Variants in ALG9 observed in about 807,000 individuals in gnomAD.
ALG9 encodes the protein ALG9 alpha-1,2-mannosyltransferase, also known as alpha-1,2-mannosyltransferase ALG9.
Under a neutral mutation model 81.8 loss-of-function variants are expected in ALG9, and 55 were observed. The ratio of observed to expected loss-of-function variants is 0.67; its 90% CI spans 0.54 to 0.84. The LOEUF is 0.84. Ranked by LOEUF, ALG9 falls within the 40% of genes least tolerant of loss-of-function variation. The pLI, the probability that ALG9 is intolerant of heterozygous loss-of-function variation, is 0.00. For missense variants in ALG9, 629 were observed against 745.0 expected, an observed-to-expected ratio of 0.84 and a Z score of 1.81; for synonymous variants, 278 against 274.3, an observed-to-expected ratio of 1.01 and a Z score of -0.13.
intron 1 of ALG9, 60 bp downstream of exon 1, chr11:111,871,292 C>T: frequency 7.3e-7 from 1 of 1,367,588 alleles, no homozygotes; most frequent in African/African-American, 1.5e-5. Context: ...AAGACCCTCC[C>T]GGGGGCAGCC....
chr11:111,842,825 T>C (rs527918214), intron 9 of ALG9, among the ~76,000 whole-genome samples: 1 of 152,352 alleles, frequency 6.6e-6, no homozygotes, highest in South Asian at 2.1e-4. Flanking sequence ...GTGCATACAT[T>C]ATGCATTTTA....
chr11:111,823,434 A>G (rs1237730173), intron 13 of ALG9, among the ~76,000 whole-genome samples: 4 of 152,216 alleles, frequency 2.6e-5, no homozygotes, highest in African/African-American at 9.7e-5. Flanking sequence ...TTACACTGCC[A>G]AGTCTTGAGC....
chr11:111,842,148 C>T (rs1956308430), intron 9 of ALG9, among the ~76,000 whole-genome samples: 2 of 152,162 alleles, frequency 1.3e-5, no homozygotes, highest in African/African-American at 2.4e-5. Context: ...CCACCCGCCT[C>T]GGCCTCTCAA....
At chr11:111,798,200 C>T in intron 14 of ALG9, 1 of 323,568 alleles carries the variant, frequency 3.1e-6, no homozygotes, top group South Asian at 2.5e-5. Context: ...GAGACCCTGT[C>T]TTAAAAAGAA....
At chr11:111,834,856 CA>C (rs1366556095) in intron 13 of ALG9, among the ~76,000 whole-genome samples, 3 of 152,288 alleles carry the variant, frequency 2.0e-5, no homozygotes, top group Admixed American at 2.0e-4. Context: ...AGGGTATTTC[CA>C]TTGTAACAGG....
At chr11:111,803,117 C>T (rs1949378537) in intron 14 of ALG9, among the ~76,000 whole-genome samples, 1 of 152,166 alleles carries the variant, frequency 6.6e-6, no homozygotes, top group Non-Finnish European at 1.5e-5. Context: ...CAATCAAAAT[C>T]CCAGCAAGTT....
chr11:111,862,324 CTT>C (rs1376796251), intron 4 of ALG9, among the ~76,000 whole-genome samples: 19 of 149,494 alleles, frequency 1.3e-4, no homozygotes, highest in Non-Finnish European at 4.4e-5. Context: ...ATTTCCGTCT[CTT>C]GAGTTCAAGT....
intron 6 of ALG9, among the ~76,000 whole-genome samples, chr11:111,857,281 T>C (rs1401606472): frequency 1.3e-5 from 2 of 152,106 alleles, no homozygotes; most frequent in Non-Finnish European, 2.9e-5. Flanking sequence ...AAAGGTAAAT[T>C]ATTCAAACTC....
intron 14 of ALG9, chr11:111,805,058 C>T: frequency 3.2e-6 from 1 of 312,422 alleles, no homozygotes; most frequent in Non-Finnish European, 6.3e-6. Flanking sequence ...TGTTTGTGTC[C>T]CCTCAAAATT....
intron 4 of ALG9, chr11:111,864,277 C>T (rs1315548421): frequency 7.9e-6 from 9 of 1,133,554 alleles, no homozygotes; most frequent in Non-Finnish European, 1.1e-5. Context: ...CCAGCGTTGC[C>T]GCTATGAAGA....
rs544652031 is a variant in ALG9, at chr11:111,825,011, G to A, written c.1602+11154C>T. Among the ~76,000 whole-genome samples the A allele has an allele frequency of 3.3e-5, 5 of 152,282 alleles. No individual in the cohort carries two copies. The South Asian group carries it at 1.0e-3, about 32-fold the overall frequency. On this transcript the variant is annotated intron_variant, in intron 13 of 14. Transcript: ENST00000616540. Reference sequence around the variant, plus strand: ...AGGAAACCAGTGAGGACACAAATCTGCCAAATACCAACCTCTGTCAATTTA... The same window carrying A: ...AGGAAACCAGTGAGGACACAAATCTACCAAATACCAACCTCTGTCAATTTA...
chr11:111,777,921 T>A (rs1945741774), downstream of ALG9, among the ~76,000 whole-genome samples: 1 of 152,184 alleles, frequency 6.6e-6, no homozygotes. Flanking sequence ...TCTCCCCAAA[T>A]GAGATTAACC....
chr11:111,836,328 A>T, intron 12 of ALG9, 34 bp from the exon 13 acceptor site: 4 of 1,612,944 alleles, frequency 2.5e-6, no homozygotes, highest in Non-Finnish European at 2.5e-6. Flanking sequence ...AGAAAAACAC[A>T]GGGGGATAAT....
At chr11:111,795,675 T>C (rs1297799967) in intron 14 of ALG9, among the ~76,000 whole-genome samples, 1 of 152,252 alleles carries the variant, frequency 6.6e-6, no homozygotes, top group Non-Finnish European at 1.5e-5. Context: ...GGAAGTTTAC[T>C]GAGGCACAAA....
chr11:111,840,563 T>A (rs1488384827), intron 10 of ALG9, 92 bp downstream of exon 10: 1 of 1,447,368 alleles, frequency 6.9e-7, no homozygotes, highest in African/African-American at 1.4e-5. Flanking sequence ...ATATCTTAGG[T>A]GGAAGCATTC....
chr11:111,802,987 A>G (rs1252858154), intron 14 of ALG9, among the ~76,000 whole-genome samples: 1 of 152,188 alleles, frequency 6.6e-6, no homozygotes, highest in Non-Finnish European at 1.5e-5. Flanking sequence ...GATTCCTACC[A>G]TCACACTCCC....
chr11:111,821,569 A>G (rs1555103706), intron 13 of ALG9, among the ~76,000 whole-genome samples: 1 of 151,916 alleles, frequency 6.6e-6, no homozygotes, highest in Non-Finnish European at 1.5e-5. Context: ...TGGTCCACTC[A>G]TGTGTGTCAC....
intron 8 of ALG9, among the ~76,000 whole-genome samples, chr11:111,846,891 T>C (rs1201716213): frequency 1.3e-5 from 2 of 152,130 alleles, no homozygotes; most frequent in East Asian, 1.9e-4. Flanking sequence ...AGCTAAACGC[T>C]GAACTGGTGC....
intron 13 of ALG9, among the ~76,000 whole-genome samples, chr11:111,812,372 A>C (rs909929110): frequency 6.6e-6 from 1 of 152,126 alleles, no homozygotes; most frequent in Admixed American, 6.5e-5. Context: ...ATTTGAGATA[A>C]GCCTAGGCAA....
Sources: gnomAD v4.1 joint callset for allele counts (sites outside exome capture counted in the v4.1 genomes callset) on GRCh38, gnomAD v4.1.1 for gene constraint, MANE v1.5 for transcripts, NCBI Gene and HGNC (gene_info 2026-07-23, HGNC 2026-07-21) for gene names.